The following CDH18 variants were observed in gnomAD, a reference collection of about 807,000 sequenced individuals.
CDH18 encodes cadherin 18.
CDH18 carries 31 observed loss-of-function variants against 67.9 expected under a neutral mutation model. The observed-to-expected ratio is 0.46, with a 90% CI of 0.34 to 0.62. The LOEUF (loss-of-function observed/expected upper bound fraction) is 0.62, where lower values mean the gene tolerates loss of function less well. Ranked by LOEUF, CDH18 falls within the 20% of genes least tolerant of loss-of-function variation. The probability of loss-of-function intolerance (pLI) is 0.01; values close to 1 mark genes in which losing one functional copy is unlikely to be tolerated. For synonymous variants in CDH18, 362 were observed against 347.2 expected (o/e 1.04, Z -0.48); for missense variants, 890 against 975.5 (o/e 0.91, Z 1.17).
chr5:19,771,198 G>A (rs1160055496), intron 3 of CDH18, among the ~76,000 whole-genome samples: 1 of 152,202 alleles, frequency 6.6e-6, no homozygotes, highest in Non-Finnish European at 1.5e-5. Context: ...TTACACCCTT[G>A]TGTAATGTCG....
intron 3 of CDH18, among the ~76,000 whole-genome samples, chr5:19,759,451 G>A (rs2149698471): frequency 6.6e-6 from 1 of 152,282 alleles, no homozygotes; most frequent in South Asian, 2.1e-4. Context: ...GGGAGGTAAT[G>A]TGGGGGTTCT....
chr5:19,824,048 T>A (rs563984377), intron 3 of CDH18, among the ~76,000 whole-genome samples: 6 of 150,506 alleles, frequency 4.0e-5, no homozygotes, highest in South Asian at 2.1e-4. Flanking sequence ...CAAAAAAAAA[T>A]AAAAAATAAA....
intron 2 of CDH18, among the ~76,000 whole-genome samples, chr5:20,191,374 T>C (rs1738524538): frequency 6.6e-6 from 1 of 152,100 alleles, no homozygotes; most frequent in South Asian, 2.1e-4. Flanking sequence ...AAATGAATTT[T>C]TATTTCTGTC....
chr5:20,506,238 CTG>C (rs1169670019), intron 1 of CDH18, among the ~76,000 whole-genome samples: 1 of 152,174 alleles, frequency 6.6e-6, no homozygotes, highest in African/African-American at 2.4e-5. Context: ...CCTCAGGCAA[CTG>C]TGTGTTGGAA....
At chr5:20,279,144 C>T (rs11953801) in intron 1 of CDH18, among the ~76,000 whole-genome samples, 51,828 of 151,670 alleles carry the variant, frequency 0.34, 9,044 homozygotes, top group South Asian at 0.39. Flanking sequence ...CAAAGATCTG[C>T]TACCTACAAA....
At chr5:20,196,300 C>A (rs74584358) in intron 2 of CDH18, among the ~76,000 whole-genome samples, 2 of 152,038 alleles carry the variant, frequency 1.3e-5, no homozygotes, top group African/African-American at 4.8e-5. Flanking sequence ...AATATATATA[C>A]TTTTAAAACT....
At chr5:19,943,233 A>G (rs1794991733) in intron 2 of CDH18, among the ~76,000 whole-genome samples, 1 of 152,112 alleles carries the variant, frequency 6.6e-6, no homozygotes, top group South Asian at 2.1e-4. Flanking sequence ...CAGAGAAGTT[A>G]AAGGATTTGA....
At chr5:19,949,210 G>T (rs1249170889) in intron 2 of CDH18, among the ~76,000 whole-genome samples, 2 of 152,050 alleles carry the variant, frequency 1.3e-5, no homozygotes, top group Non-Finnish European at 2.9e-5. Context: ...AATGGGTTTT[G>T]CTTGATCTGG....
At chr5:19,968,221 G>GT (rs1797659081) in intron 2 of CDH18, among the ~76,000 whole-genome samples, 1 of 152,100 alleles carries the variant, frequency 6.6e-6, no homozygotes, top group Non-Finnish European at 1.5e-5. Context: ...AACATTCCAT[G>GT]CTCATGGGTG....
rs531993185 is a variant in CDH18, at chr5:20,195,593, C to T, written c.-518+59851G>A. On this transcript the variant is annotated intron_variant, in intron 2 of 14. Coordinates refer to the CDH18 transcript ENST00000507958. ...TTGGTATATCTATGATTGAATATATCAAAATACTTTATTTTAGTAGGTTGT... is the reference window on the plus strand; with the variant it reads ...TTGGTATATCTATGATTGAATATATTAAAATACTTTATTTTAGTAGGTTGT... 7.2e-5 allele frequency among the ~76,000 whole-genome samples: 11 copies of T among 152,018 alleles called. No individual in the cohort carries two copies. In the South Asian group the frequency reaches 1.9e-3, roughly 26 times the overall value.
intron 1 of CDH18, among the ~76,000 whole-genome samples, chr5:20,574,607 GTCAA>G (rs1759012381): frequency 6.6e-6 from 1 of 151,826 alleles, no homozygotes; most frequent in Non-Finnish European, 1.5e-5. Flanking sequence ...TAAAACTAAG[GTCAA>G]TCAAATACAT....
intron 2 of CDH18, among the ~76,000 whole-genome samples, chr5:19,861,518 G>A (rs769029606): frequency 1.3e-5 from 2 of 152,170 alleles, no homozygotes; most frequent in African/African-American, 2.4e-5. Flanking sequence ...GACATCATTT[G>A]CTTTTCCTTA....
intron 1 of CDH18, among the ~76,000 whole-genome samples, chr5:20,345,052 T>C (rs1740592203): frequency 6.6e-6 from 1 of 152,176 alleles, no homozygotes; most frequent in African/African-American, 2.4e-5. Context: ...ATCCCTTATC[T>C]GCCAAAGCCA....
chr5:19,586,977 CAT>C (rs1394521510), intron 7 of CDH18, among the ~76,000 whole-genome samples: 4 of 151,966 alleles, frequency 2.6e-5, no homozygotes, highest in Admixed American at 6.6e-5. Context: ...AGCTTTTTTT[CAT>C]ATGTTTGTTG....
rs543538298 is a variant in CDH18, at chr5:19,773,921, T to G, written c.229-26685A>C. Among the ~76,000 whole-genome samples the G allele has an allele frequency of 7.2e-5, 11 of 152,070 alleles. No individual in the cohort carries two copies. The South Asian group carries it at 2.3e-3, about 32-fold the overall frequency. On this transcript the variant is annotated intron_variant, in intron 3 of 12. Coordinates refer to ENST00000382275, the MANE Select transcript of CDH18 (RefSeq NM_004934.5). ...AAAAACTTGGAATCATAAACATTTA[T>G]GAAAAGAGAAGATAAACACATACAC...
At chr5:19,698,772 T>G (rs1029539870) in intron 5 of CDH18, among the ~76,000 whole-genome samples, 1 of 152,074 alleles carries the variant, frequency 6.6e-6, no homozygotes, top group African/African-American at 2.4e-5. Flanking sequence ...GAAAGAGATA[T>G]TCAATATTTC....
intron 2 of CDH18, among the ~76,000 whole-genome samples, chr5:19,855,737 G>A (rs1012826195): frequency 6.6e-6 from 1 of 151,978 alleles, no homozygotes; most frequent in Non-Finnish European, 1.5e-5. Context: ...ACCCTTTTTA[G>A]CTACAACAGA....
At chr5:20,553,582 C>T (rs1165438227) in intron 1 of CDH18, among the ~76,000 whole-genome samples, 1 of 152,116 alleles carries the variant, frequency 6.6e-6, no homozygotes, top group African/African-American at 2.4e-5. Context: ...TAACCATGTT[C>T]CCAGGAAGAT....
At chr5:20,270,247 T>G (rs1745338677) in intron 1 of CDH18, among the ~76,000 whole-genome samples, 1 of 152,076 alleles carries the variant, frequency 6.6e-6, no homozygotes, top group Admixed American at 6.6e-5. Flanking sequence ...GCTATAAAAC[T>G]TTTTGAAGGC....
Sources: allele counts gnomAD v4.1 joint callset (sites outside exome capture counted in the v4.1 genomes callset), GRCh38; gene constraint gnomAD v4.1.1; transcripts MANE v1.5; gene names NCBI Gene and HGNC (gene_info 2026-07-23, HGNC 2026-07-21).